The following MYO1H variants were observed in gnomAD, a reference collection of about 807,000 sequenced individuals.
MYO1H encodes unconventional myosin-Ih.
A neutral mutation model predicts 149.3 loss-of-function variants in MYO1H; 118 were observed. The ratio of observed to expected loss-of-function variants is 0.79; its 90% CI spans 0.68 to 0.92. The LOEUF is 0.92. Among genes scored for constraint, MYO1H ranks in the 40% least tolerant of loss-of-function variants. The pLI is 0.00. For missense variants in MYO1H, 1,212 were observed against 1,280.7 expected, an observed-to-expected ratio of 0.95 and a Z score of 0.82; for synonymous variants, 447 against 465.2, an observed-to-expected ratio of 0.96 and a Z score of 0.50.
At chr12:109,428,549 C>A (rs1011597948) in intron 19 of MYO1H, among the ~76,000 whole-genome samples, 1 of 152,188 alleles carries the variant, frequency 6.6e-6, no homozygotes, top group African/African-American at 2.4e-5. Flanking sequence ...TGAATTTATG[C>A]TACCAAAATA....
Position 109,436,470 on chromosome 12 carries a change from C to G in MYO1H, c.2141-18C>G. On this transcript the variant is annotated intron_variant, in intron 21 of 31. Transcript: ENST00000310903. Reference sequence around the variant, plus strand: ...CAAATGCAAAGCCATTTCACCAAAACGTCTGTTTTATTTTAAGTTGCAAGA... The same window carrying G: ...CAAATGCAAAGCCATTTCACCAAAAGGTCTGTTTTATTTTAAGTTGCAAGA... The G allele has an allele frequency of 6.3e-7, 1 of 1,596,534 alleles. No individual in the cohort carries two copies. Among genetic ancestry groups the G allele is most frequent in the Non-Finnish European group, 8.6e-7 (1 of 1,168,116 alleles).
At chr12:109,317,484 A>G in the MYO1H span, among the ~76,000 whole-genome samples, 1 of 152,216 alleles carries the variant, frequency 6.6e-6, no homozygotes. Context: ...TGCAGTCAGG[A>G]GAATATATTC....
At chr12:109,389,973 T>C (rs202122248) in intron 2 of MYO1H, among the ~76,000 whole-genome samples, 2 of 152,218 alleles carry the variant, frequency 1.3e-5, no homozygotes, top group East Asian at 1.9e-4. Context: ...AAAAACTAAT[T>C]TTATGTACAG....
intron 1 of MYO1H, among the ~76,000 whole-genome samples, chr12:109,384,952 C>G (rs564271247): frequency 2.2e-3 from 339 of 152,322 alleles, no homozygotes; most frequent in Non-Finnish European, 3.5e-3. Context: ...AGCAGACTTG[C>G]TTTACTATGT....
rs1421789607 is a variant in MYO1H, at chr12:109,441,628, TAGTTACA to T, written c.2556_2562del (p.Thr853LysfsTer14). The T allele has an allele frequency of 6.2e-7, 1 of 1,610,646 alleles. No homozygotes were observed. Among genetic ancestry groups the T allele is most frequent in the East Asian group, 2.2e-5 (1 of 44,824 alleles). Reference sequence around the variant, plus strand: ...GTGTATTACCAGATGCAGCAAAAGGTAGTTACAAGTGAAATCTTCAGGGGAAGGAAAG... The same window carrying T: ...GTGTATTACCAGATGCAGCAAAAGGTAGTGAAATCTTCAGGGGAAGGAAAG... On this transcript the variant is annotated frameshift_variant, in exon 26 of 32. Transcript: ENST00000310903. LOFTEE classifies it high-confidence loss of function.
At position 109,412,056 on chromosome 12, in the gene MYO1H, A is replaced by T. The variant is rs1161049503; in HGVS notation, c.1502+71A>T. The T allele has an allele frequency of 4.6e-6, 5 of 1,088,698 alleles. No homozygotes were observed. In the East Asian group the frequency reaches 1.1e-4, roughly 23 times the overall value. 67.4% of individuals were successfully genotyped at this position (1,088,698 alleles called of 1,614,324 possible). ...TGTCTCCATTTTCTTTAGTATTTGGATAATGTTCTTCAAGAGAACAACTAC... is the reference window on the plus strand; with the variant it reads ...TGTCTCCATTTTCTTTAGTATTTGGTTAATGTTCTTCAAGAGAACAACTAC... On this transcript the variant is annotated intron_variant, in intron 14 of 31. Transcript: ENST00000310903.
chr12:109,310,580 G>T, the MYO1H span, among the ~76,000 whole-genome samples: 1 of 151,986 alleles, frequency 6.6e-6, no homozygotes, highest in Admixed American at 6.6e-5. Context: ...TTCGCAGCAG[G>T]CAGGGGACCA....
At chr12:109,432,991 G>A (rs752636472) in exon 20 of MYO1H, 16 of 1,613,954 alleles carry the variant, frequency 9.9e-6, no homozygotes, top group East Asian at 2.2e-5. Flanking sequence ...CTACAAACCC[G>A]AGGAATACAA....
Position 109,406,788 on chromosome 12 carries a change from G to C in MYO1H, c.964-1G>C, listed in dbSNP as rs1329786509. On this transcript the variant is annotated splice_acceptor_variant, in intron 8 of 31. Transcript: ENST00000310903. LOFTEE classifies it high-confidence loss of function. ...GCATTCTGGATTTCTTTTACATGCA[G>C]CTCCTGGGGGTCCACCCATCAGTCC... 6.2e-7 allele frequency: 1 copy of C among 1,613,852 alleles called. No homozygotes were observed. Among genetic ancestry groups the C allele is most frequent in the East Asian group, 2.2e-5 (1 of 44,880 alleles).
intron 1 of MYO1H, among the ~76,000 whole-genome samples, chr12:109,365,134 G>A (rs1237484003): frequency 6.6e-6 from 1 of 152,074 alleles, no homozygotes; most frequent in Non-Finnish European, 1.5e-5. Context: ...GACTTAGCTT[G>A]ATGTGGTAGT....
intron 15 of MYO1H, among the ~76,000 whole-genome samples, chr12:109,416,253 C>G (rs972770652): frequency 7.9e-5 from 12 of 152,062 alleles, no homozygotes; most frequent in Non-Finnish European, 2.9e-5. Context: ...TTTTATCACC[C>G]CCAAAAGAAA....
chr12:109,435,131 G>A lies in MYO1H; in HGVS notation c.2140+18G>A. 6.5e-7 allele frequency: 1 copy of A among 1,527,132 alleles called. No individual in the cohort carries two copies. The highest frequency in any genetic ancestry group is 9.0e-7 in the Non-Finnish European group (1 of 1,111,008). The allele number at this position is 1,527,132 out of a possible 1,614,324, so 94.6% of individuals were successfully genotyped here. On this transcript the variant is annotated intron_variant, in intron 21 of 31. Transcript: ENST00000310903. The stretch of plus-strand genomic sequence containing the variant: ...TCAACTAGGTATGATTTCTTTTTCT[G>A]TCCCGATTTCAATAGAATATGAAAT...
intron 14 of MYO1H, 50 bp from the exon 15 acceptor site, chr12:109,415,475 CA>C (rs1870861355): frequency 6.6e-7 from 1 of 1,525,988 alleles, no homozygotes; most frequent in Non-Finnish European, 8.9e-7. Flanking sequence ...GACGCCATCT[CA>C]AAAAAGAAAA....
chr12:109,431,565 G>A (rs947473706), intron 19 of MYO1H, among the ~76,000 whole-genome samples: 2 of 152,144 alleles, frequency 1.3e-5, no homozygotes, highest in African/African-American at 2.4e-5. Context: ...GTGAGGCAGC[G>A]ACTCCTCCCG....
At chr12:109,364,750 A>G (rs1868832420) in intron 1 of MYO1H, among the ~76,000 whole-genome samples, 1 of 152,222 alleles carries the variant, frequency 6.6e-6, no homozygotes, top group African/African-American at 2.4e-5. Flanking sequence ...CAAAGTCCTA[A>G]GGAATAGCAA....
intron 1 of MYO1H, among the ~76,000 whole-genome samples, chr12:109,380,970 C>A (rs1457194968): frequency 6.6e-6 from 1 of 152,050 alleles, no homozygotes; most frequent in Non-Finnish European, 1.5e-5. Flanking sequence ...AAGTTCAAAC[C>A]TCTTCATTCT....
chr12:109,445,103 C>T (rs192984586), intron 30 of MYO1H, among the ~76,000 whole-genome samples: 2 of 152,276 alleles, frequency 1.3e-5, no homozygotes, highest in East Asian at 1.9e-4. Flanking sequence ...TGTTTCTTTT[C>T]CCTCATCCTG....
intron 1 of MYO1H, among the ~76,000 whole-genome samples, chr12:109,350,899 C>T (rs371607721): frequency 1.1e-4 from 17 of 152,250 alleles, no homozygotes; most frequent in African/African-American, 4.1e-4. Context: ...ATAATTAGAG[C>T]ACAATATCTA....
the MYO1H span, among the ~76,000 whole-genome samples, chr12:109,339,646 T>A: frequency 6.6e-6 from 1 of 152,024 alleles, no homozygotes; most frequent in East Asian, 1.9e-4. Flanking sequence ...GCAAATAAAT[T>A]AGAAAAGGAC....
Sources: gnomAD v4.1 joint callset for allele counts (sites outside exome capture counted in the v4.1 genomes callset) on GRCh38, gnomAD v4.1.1 for gene constraint, MANE v1.5 for transcripts, NCBI Gene and HGNC (gene_info 2026-07-23, HGNC 2026-07-21) for gene names.